PLA2G5: variants seen among roughly 807,000 people sequenced by gnomAD.
The protein encoded by PLA2G5 is Ca2+-dependent phospholipase A2.
In PLA2G5, 12 loss-of-function variants were observed where a neutral mutation model predicts 15.9. The ratio of observed to expected loss-of-function variants is 0.76; its 90% CI spans 0.48 to 1.23. The LOEUF is 1.23. Among genes scored for constraint, PLA2G5 ranks in the 50% most tolerant of loss-of-function variants. The pLI, the probability that PLA2G5 is intolerant of heterozygous loss-of-function variation, is 0.00. For synonymous variants in PLA2G5, 71 were observed against 71.4 expected, an observed-to-expected ratio of 0.99 and a Z score of 0.03; for missense variants, 169 against 177.1, an observed-to-expected ratio of 0.95 and a Z score of 0.26.
intron 1 of PLA2G5, among the ~76,000 whole-genome samples, chr1:20,041,275 C>G (rs1166658726): frequency 6.6e-6 from 1 of 152,188 alleles, no homozygotes; most frequent in Non-Finnish European, 1.5e-5. Flanking sequence ...AGCACCCCCT[C>G]CAGAGTGTCA....
chr1:20,070,909 A>T lies in PLA2G5; in HGVS notation c.-11+444A>T, dbSNP rs1480147088. The T allele has an allele frequency of 2.0e-5, 3 of 152,214 alleles. No individual in the cohort carries two copies. In the East Asian group the frequency reaches 5.8e-4, roughly 29 times the overall value. The allele number at this position is 152,214 out of a possible 1,614,324, so 9.4% of individuals were successfully genotyped here. On this transcript the variant is annotated intron_variant, in intron 1 of 4. Coordinates refer to ENST00000375108, the MANE Select transcript of PLA2G5 (RefSeq NM_000929.3). Reference sequence around the variant, plus strand: ...GTTGAGAGCATCCACTGTGTGCCAGACACTTCGGTACACACAGAAAGAAAC... The same window carrying T: ...GTTGAGAGCATCCACTGTGTGCCAGTCACTTCGGTACACACAGAAAGAAAC...
At chr1:20,067,916 C>T (rs572879706), upstream of PLA2G5, among the ~76,000 whole-genome samples, 9 of 152,176 alleles carry the variant, frequency 5.9e-5, no homozygotes, top group African/African-American at 1.9e-4. Flanking sequence ...GTAAGGAGTT[C>T]GTGACCAGCC....
At chr1:20,042,173 G>A (rs1455171120) in intron 1 of PLA2G5, among the ~76,000 whole-genome samples, 2 of 152,312 alleles carry the variant, frequency 1.3e-5, no homozygotes, top group East Asian at 3.9e-4. Flanking sequence ...GGCTTGCTGA[G>A]AGGTAGTGGA....
At position 20,086,199 on chromosome 1, in the gene PLA2G5, C is replaced by T. The variant is rs200954922; in HGVS notation, c.157C>T (p.Arg53Ter). Residue 53 changes from arginine to a stop codon, truncating the protein, a stop_gained, in exon 3 of 5, where the codon CGA becomes TGA. Transcript: ENST00000375108. LOFTEE classifies it high-confidence loss of function. ...FYGCYCGWGG[R>*]GTPKDGTDWC... Reference sequence around the variant, plus strand: ...CGGCTGTTACTGCGGCTGGGGCGGCCGAGGAACCCCCAAGGATGGCACCGA... The same window carrying T: ...CGGCTGTTACTGCGGCTGGGGCGGCTGAGGAACCCCCAAGGATGGCACCGA... The T allele has an allele frequency of 1.2e-5, 19 of 1,614,112 alleles. No individual in the cohort carries two copies. The highest frequency in any genetic ancestry group is 1.1e-4 in the African/African-American group (8 of 75,020).
upstream of PLA2G5, among the ~76,000 whole-genome samples, chr1:20,066,638 C>CT (rs373097943): frequency 6.6e-6 from 1 of 152,164 alleles, no homozygotes; most frequent in Non-Finnish European, 1.5e-5. Flanking sequence ...TTAGTTATAA[C>CT]TTTTTTTATG....
At chr1:20,085,289 T>A (rs1329405729) in intron 2 of PLA2G5, among the ~76,000 whole-genome samples, 1 of 152,068 alleles carries the variant, frequency 6.6e-6, no homozygotes, top group African/African-American at 2.4e-5. Flanking sequence ...CTCAGGCTTG[T>A]CCAGCTGGGA....
At chr1:20,056,386 C>T (rs1344754071) in intron 1 of PLA2G5, among the ~76,000 whole-genome samples, 1 of 152,000 alleles carries the variant, frequency 6.6e-6, no homozygotes, top group East Asian at 1.9e-4. Context: ...ATGAAAGTTC[C>T]TTTTTATTCC....
In PLA2G5 at chr1:20,089,877, T is replaced by TGGGGC; in HGVS notation, c.276_280dup (p.Val94GlyfsTer14). On this transcript the variant is annotated frameshift_variant, in exon 4 of 5. Transcript: ENST00000375108. LOFTEE classifies it low-confidence loss of function (END_TRUNC). ...ACAGTCCTACAAATACAGATTCGCG[T>TGGGGC]GGGGCGTGGTCACCTGCGGTAAGGC... is the stretch of plus-strand genomic sequence containing the variant. The TGGGGC allele has an allele frequency of 1.2e-6, 2 of 1,613,346 alleles. No individual in the cohort carries two copies. The highest frequency in any genetic ancestry group is 1.7e-6 in the Non-Finnish European group (2 of 1,179,536).
rs1368159524 is a variant in PLA2G5 at position 20,059,687 on chromosome 1, T to A, written n.332T>A. The stretch of plus-strand genomic sequence containing the variant: ...GGCAAAAATGATGGCTAAGGCTTCC[T>A]TGCAGGTAAGCTTTCATCCATTTTA... On this transcript the variant is annotated non_coding_transcript_exon_variant, in exon 2 of 7. Coordinates refer to the PLA2G5 transcript ENST00000460175. The A allele has an allele frequency of 2.6e-5, 4 of 152,212 alleles. No homozygotes were observed. In the East Asian group the frequency reaches 7.7e-4, roughly 29 times the overall value. 9.4% of individuals were successfully genotyped at this position (152,212 alleles called of 1,614,324 possible).
intron 1 of PLA2G5, chr1:20,076,810 G>A (rs911972422): frequency 2.0e-5 from 3 of 152,232 alleles, no homozygotes; most frequent in African/African-American, 4.8e-5. Flanking sequence ...ACATTCCAGA[G>A]ACAGGTAAGC....
intron 1 of PLA2G5, among the ~76,000 whole-genome samples, chr1:20,029,843 A>G (rs1373475245): frequency 6.6e-6 from 1 of 152,192 alleles, no homozygotes; most frequent in Admixed American, 6.5e-5. Context: ...TTGAAACACC[A>G]GTGTGTATGT....
intron 1 of PLA2G5, among the ~76,000 whole-genome samples, chr1:20,084,607 T>C (rs1365718210): frequency 6.6e-6 from 1 of 152,192 alleles, no homozygotes; most frequent in Non-Finnish European, 1.5e-5. Flanking sequence ...ACAGTGTCCC[T>C]GCAAATGCTT....
chr1:20,058,089 T>C (rs2014526738), intron 1 of PLA2G5, among the ~76,000 whole-genome samples: 1 of 152,228 alleles, frequency 6.6e-6, no homozygotes, highest in Non-Finnish European at 1.5e-5. Context: ...TTGAGAAGAA[T>C]GTGTATTCTA....
At chr1:20,064,268 T>C (rs910513820) in intron 2 of PLA2G5, among the ~76,000 whole-genome samples, 2 of 152,180 alleles carry the variant, frequency 1.3e-5, no homozygotes, top group Non-Finnish European at 2.9e-5. Context: ...TAGTTCTTCT[T>C]CCTTATTTAG....
At chr1:20,071,802 C>A (rs974576138) in intron 1 of PLA2G5, among the ~76,000 whole-genome samples, 2 of 152,140 alleles carry the variant, frequency 1.3e-5, no homozygotes, top group African/African-American at 2.4e-5. Context: ...CTTTCTTGGC[C>A]ACCCTGTTTA....
At chr1:20,037,554 G>T (rs1366863974) in intron 1 of PLA2G5, among the ~76,000 whole-genome samples, 1 of 152,194 alleles carries the variant, frequency 6.6e-6, no homozygotes, top group Non-Finnish European at 1.5e-5. Flanking sequence ...CAGTGAAATT[G>T]TCACATGGAC....
chr1:20,062,031 T>G (rs1177801402), intron 2 of PLA2G5, among the ~76,000 whole-genome samples: 1 of 152,220 alleles, frequency 6.6e-6, no homozygotes, highest in Non-Finnish European at 1.5e-5. Context: ...CTCTGAGATC[T>G]CTTGCTTGTT....
intron 1 of PLA2G5, among the ~76,000 whole-genome samples, chr1:20,046,683 C>T (rs868670347): frequency 6.6e-6 from 1 of 152,154 alleles, no homozygotes; most frequent in Non-Finnish European, 1.5e-5. Flanking sequence ...AATGAGCTGA[C>T]CTTTTTGGCT....
At chr1:20,044,041 G>A (rs145144709) in intron 1 of PLA2G5, among the ~76,000 whole-genome samples, 15,509 of 152,234 alleles carry the variant, frequency 0.1, 984 homozygotes, top group Non-Finnish European at 0.13. Flanking sequence ...GCTGCTGGGT[G>A]AGCTGGGCAG....
Sources: allele counts gnomAD v4.1 joint callset (sites outside exome capture counted in the v4.1 genomes callset), GRCh38; gene constraint gnomAD v4.1.1; transcripts MANE v1.5; gene names NCBI Gene and HGNC (gene_info 2026-07-23, HGNC 2026-07-21).